DMD: variants seen among roughly 807,000 people sequenced by gnomAD.
The protein encoded by DMD is dystrophin, also known as mutant dystrophin.
A neutral mutation model predicts 330.1 loss-of-function variants in DMD; 63 were observed. The ratio of observed to expected loss-of-function variants is 0.19; its 90% CI spans 0.16 to 0.24. The LOEUF (loss-of-function observed/expected upper bound fraction) is 0.24. Ranked by LOEUF, DMD falls within the 10% of genes least tolerant of loss-of-function variation. The pLI, the probability that DMD is intolerant of heterozygous loss-of-function variation, is 1.00. For synonymous variants in DMD, 1,223 were observed against 959.8 expected (o/e 1.27, Z -5.07); for missense variants, 3,344 against 2,684.1 (o/e 1.25, Z -5.43).
chrX:32,592,872 G>C (rs188873993), intron 13 of DMD, among the ~76,000 whole-genome samples: 5 of 112,589 alleles, frequency 4.4e-5, no homozygotes, highest in Non-Finnish European at 7.5e-5. Context: ...CCAGACATTG[G>C]TGCCTGCAGC....
Position 32,654,570 on chromosome X carries a change from T to A in DMD, c.961-9418A>T, listed in dbSNP as rs1402477914. 2.7e-5 allele frequency among the ~76,000 whole-genome samples: 3 copies of A among 110,685 alleles called. No individual in the cohort carries two copies. In the East Asian group the frequency reaches 8.4e-4, roughly 31 times the overall value. On this transcript the variant is annotated intron_variant, in intron 9 of 78. Transcript: ENST00000357033. ...GGATTGCCAGTATTTTATTGAGGAT[T>A]TTTGCATCAATGTTCATCAAGGATA...
At chrX:32,775,681 G>A (rs989339610) in intron 7 of DMD, among the ~76,000 whole-genome samples, 2 of 112,925 alleles carry the variant, frequency 1.8e-5, no homozygotes, top group Non-Finnish European at 3.8e-5. Flanking sequence ...CTTGGGCCTG[G>A]CCCACCAAAC....
intron 43 of DMD, among the ~76,000 whole-genome samples, chrX:32,251,387 A>C (rs2097263172): frequency 9.1e-6 from 1 of 110,480 alleles, no homozygotes; most frequent in South Asian, 3.9e-4. Flanking sequence ...ATTGAATATA[A>C]ATCTAGAAAG....
intron 51 of DMD, among the ~76,000 whole-genome samples, chrX:31,739,529 T>C (rs2087136410): frequency 1.8e-5 from 2 of 110,882 alleles, no homozygotes; most frequent in Admixed American, 1.9e-4. Flanking sequence ...TAGCACTGCA[T>C]GTTCTCACTC....
intron 3 of DMD, 118 bp from the exon 4 acceptor site, chrX:32,844,978 G>A: frequency 1.6e-6 from 1 of 612,407 alleles, no homozygotes; most frequent in South Asian, 2.4e-5. Flanking sequence ...CAGAGCCTGT[G>A]AGGCATTAAT....
chrX:31,765,323 T>G (rs2089918599), intron 51 of DMD, among the ~76,000 whole-genome samples: 1 of 111,773 alleles, frequency 8.9e-6, no homozygotes, highest in Admixed American at 9.5e-5. Context: ...TAACACTTTT[T>G]TCTTTTGTGG....
chrX:32,589,066 T>C lies in DMD; in HGVS notation c.1602+6691A>G, dbSNP rs2054597304. 2.7e-5 allele frequency among the ~76,000 whole-genome samples: 3 copies of C among 112,024 alleles called. No individual in the cohort carries two copies. In the South Asian group the frequency reaches 1.1e-3, roughly 42 times the overall value. ...GAAGACATCCAGAGTTACCAACTTC[T>C]GTCTGCTTCTGATATTATGACATTT... On this transcript the variant is annotated intron_variant, in intron 13 of 78. Coordinates refer to ENST00000357033, the MANE Select transcript of DMD (RefSeq NM_004006.3).
intron 15 of DMD, among the ~76,000 whole-genome samples, chrX:32,570,863 G>A (rs190538692): frequency 7.5e-4 from 84 of 111,688 alleles, no homozygotes; most frequent in Non-Finnish European, 1.1e-3. Flanking sequence ...CAACTTTCTT[G>A]ATTGGTAAAT....
At chrX:32,419,487 T>A (rs2098180754) in intron 29 of DMD, among the ~76,000 whole-genome samples, 1 of 112,401 alleles carries the variant, frequency 8.9e-6, no homozygotes, top group Non-Finnish European at 1.9e-5. Flanking sequence ...GCATATTTGT[T>A]AATGTATTTA....
chrX:32,817,212 C>T (rs192719770), intron 5 of DMD, among the ~76,000 whole-genome samples: 3 of 110,834 alleles, frequency 2.7e-5, no homozygotes, highest in Non-Finnish European at 1.9e-5. Flanking sequence ...CATCATTTAA[C>T]GCAAGCTATA....
intron 61 of DMD, among the ~76,000 whole-genome samples, chrX:31,345,509 G>A (rs1168073193): frequency 8.9e-6 from 1 of 111,924 alleles, no homozygotes; most frequent in Non-Finnish European, 1.9e-5. Context: ...AATTCAGAGG[G>A]GGAGTCAGGG....
At chrX:31,393,393 C>T (rs1386451790) in intron 60 of DMD, among the ~76,000 whole-genome samples, 1 of 105,046 alleles carries the variant, frequency 9.5e-6, no homozygotes, top group Non-Finnish European at 1.9e-5. Context: ...AGGGGAATTG[C>T]TTAAACCCAG....
intron 43 of DMD, among the ~76,000 whole-genome samples, chrX:32,285,222 T>A (rs2097435313): frequency 9.0e-6 from 1 of 111,573 alleles, no homozygotes; most frequent in African/African-American, 3.3e-5. Context: ...ATGGTGTGGG[T>A]GGCCTAGAAT....
chrX:32,358,177 C>A (rs768848525), intron 37 of DMD, among the ~76,000 whole-genome samples: 1 of 111,267 alleles, frequency 9.0e-6, no homozygotes, highest in Non-Finnish European at 1.9e-5. Flanking sequence ...CCTCAACTAG[C>A]ATCTCTCCCA....
intron 30 of DMD, among the ~76,000 whole-genome samples, chrX:32,408,904 C>A (rs2098130473): frequency 9.3e-6 from 1 of 107,980 alleles, no homozygotes; most frequent in African/African-American, 3.5e-5. Context: ...ATCTATCTAT[C>A]TATCTATCCA....
At position 32,677,716 on chromosome X, in the gene DMD, T is replaced by C. The variant is rs1195744272; in HGVS notation, c.960+20154A>G. 4.5e-5 allele frequency among the ~76,000 whole-genome samples: 5 copies of C among 111,597 alleles called. No homozygotes were observed. The East Asian group carries it at 1.4e-3, about 31-fold the overall frequency. On this transcript the variant is annotated intron_variant, in intron 9 of 78. Coordinates refer to ENST00000357033, the MANE Select transcript of DMD (RefSeq NM_004006.3). Reference sequence around the variant, plus strand: ...GATTTATACTTAGCAGCTCAATTTTTAGAATAATGATATGAGGAAATAACT... The same window carrying C: ...GATTTATACTTAGCAGCTCAATTTTCAGAATAATGATATGAGGAAATAACT...
chrX:32,469,912 T>C (rs2040441373), intron 22 of DMD, among the ~76,000 whole-genome samples: 1 of 111,271 alleles, frequency 9.0e-6, no homozygotes, highest in Non-Finnish European at 1.9e-5. Flanking sequence ...TCTTTGAGTG[T>C]ATTCTGATTA....
chrX:32,555,708 GA>G (rs1216319577), intron 16 of DMD, among the ~76,000 whole-genome samples: 1 of 111,444 alleles, frequency 9.0e-6, no homozygotes, highest in Admixed American at 9.6e-5. Flanking sequence ...CGACAAACCT[GA>G]AAAAACAAGC....
intron 62 of DMD, among the ~76,000 whole-genome samples, chrX:31,314,083 C>T (rs978356949): frequency 1.3e-4 from 14 of 111,966 alleles, no homozygotes; most frequent in African/African-American, 4.2e-4. Flanking sequence ...GATCCACCCA[C>T]CTTGGCCTGC....
Sources: gnomAD v4.1 joint callset for allele counts (sites outside exome capture counted in the v4.1 genomes callset) on GRCh38, gnomAD v4.1.1 for gene constraint, MANE v1.5 for transcripts, NCBI Gene and HGNC (gene_info 2026-07-23, HGNC 2026-07-21) for gene names.